The following SORCS2 variants were observed in gnomAD, a reference collection of about 807,000 sequenced individuals.
The protein encoded by SORCS2 is VPS10 domain-containing receptor SorCS2.
In SORCS2, 100 loss-of-function variants were observed where a neutral mutation model predicts 141.6. The ratio of observed to expected loss-of-function variants is 0.71; its 90% CI spans 0.60 to 0.83. The LOEUF is 0.83. Among genes scored for constraint, SORCS2 ranks in the 40% least tolerant of loss-of-function variants. The probability of loss-of-function intolerance (pLI) is 0.00; values close to 1 mark genes in which losing one functional copy is unlikely to be tolerated. For synonymous variants in SORCS2, 789 were observed against 676.9 expected (o/e 1.17, Z -2.57); for missense variants, 1,646 against 1,560.2 (o/e 1.05, Z -0.93).
At chr4:7,227,128 C>A (rs527959531) in intron 1 of SORCS2, among the ~76,000 whole-genome samples, 2 of 152,224 alleles carry the variant, frequency 1.3e-5, no homozygotes, top group East Asian at 3.9e-4. Context: ...CGTGCTCACA[C>A]ACATGCAGGA....
chr4:7,204,829 T>G (rs1181453405), intron 1 of SORCS2, among the ~76,000 whole-genome samples: 1 of 152,152 alleles, frequency 6.6e-6, no homozygotes, highest in Non-Finnish European at 1.5e-5. Flanking sequence ...AAGTCAGAAA[T>G]AGGCTGGTCT....
chr4:7,649,437 G>A (rs1721297441), intron 4 of SORCS2, among the ~76,000 whole-genome samples: 3 of 152,124 alleles, frequency 2.0e-5, no homozygotes, highest in Admixed American at 6.5e-5. Flanking sequence ...GAGAGTGGCA[G>A]GACCAGGTGT....
intron 3 of SORCS2, among the ~76,000 whole-genome samples, chr4:7,617,357 C>T (rs1577846338): frequency 6.6e-6 from 1 of 152,092 alleles, no homozygotes. Flanking sequence ...AATATATGCA[C>T]CTACCCATCC....
At chr4:7,542,817 A>C (rs1237405295) in intron 3 of SORCS2, among the ~76,000 whole-genome samples, 1 of 152,242 alleles carries the variant, frequency 6.6e-6, no homozygotes, top group South Asian at 2.1e-4. Flanking sequence ...TAATTTGCTC[A>C]GGGTGGGTGG....
chr4:7,348,898 G>A (rs995192755), intron 1 of SORCS2, among the ~76,000 whole-genome samples: 1 of 152,136 alleles, frequency 6.6e-6, no homozygotes, highest in Non-Finnish European at 1.5e-5. Context: ...TTTTGCTGTC[G>A]GAAAGCGACC....
chr4:7,543,699 TCCATCCATCCAC>T (rs1712929047), intron 3 of SORCS2, among the ~76,000 whole-genome samples: 2 of 40,398 alleles, frequency 5.0e-5, no homozygotes, highest in Admixed American at 3.1e-4. Flanking sequence ...CATCCACCCA[TCCATCCATCCAC>T]CCATCCACCC....
chr4:7,233,217 CA>C lies in SORCS2; in HGVS notation c.480+40092del, dbSNP rs1056626483. Among the ~76,000 whole-genome samples the C allele has an allele frequency of 2.0e-5, 3 of 152,158 alleles. No individual in the cohort carries two copies. Among genetic ancestry groups the C allele is most frequent in the African/African-American group, 4.8e-5 (2 of 41,428 alleles). On this transcript the variant is annotated intron_variant, in intron 1 of 26. Coordinates refer to ENST00000507866, the MANE Select transcript of SORCS2 (RefSeq NM_020777.3). This position sits in a 1 kb window ranked among gnomAD's most constrained non-coding sequence, Gnocchi z 4.5. ...GCACGGCAGAGGGAGCCTTCCAGAG[CA>C]GGGGGAGGCGTCGGCCAGCCCTGAG...
intron 3 of SORCS2, among the ~76,000 whole-genome samples, chr4:7,536,513 C>G (rs900945998): frequency 5.9e-5 from 9 of 152,154 alleles, no homozygotes; most frequent in Admixed American, 5.2e-4. Context: ...CAGGGCTGGT[C>G]TTCAGACACC....
chr4:7,524,578 G>C (rs1057370950), intron 2 of SORCS2, among the ~76,000 whole-genome samples: 1 of 151,720 alleles, frequency 6.6e-6, no homozygotes, highest in African/African-American at 2.4e-5. Context: ...AGGCTGCTGT[G>C]GGTTTTGTTT....
chr4:7,550,477 A>C (rs1713615022), intron 3 of SORCS2, among the ~76,000 whole-genome samples: 2 of 152,216 alleles, frequency 1.3e-5, no homozygotes, highest in Admixed American at 1.3e-4. Flanking sequence ...GGTGATCGGC[A>C]GACACCAACG....
intron 2 of SORCS2, among the ~76,000 whole-genome samples, chr4:7,420,513 T>C (rs1204831981): frequency 6.6e-6 from 1 of 152,154 alleles, no homozygotes; most frequent in Admixed American, 6.5e-5. Context: ...CTGGAGAGGT[T>C]CTGGCAGCTT....
chr4:7,497,765 C>T (rs1329731584), intron 2 of SORCS2, among the ~76,000 whole-genome samples: 1 of 152,218 alleles, frequency 6.6e-6, no homozygotes, highest in African/African-American at 2.4e-5. Flanking sequence ...AGTGAGTTGC[C>T]CAAGGTGACT....
intron 7 of SORCS2, among the ~76,000 whole-genome samples, chr4:7,666,154 C>T (rs993984083): frequency 2.6e-5 from 4 of 151,918 alleles, no homozygotes; most frequent in South Asian, 2.1e-4. Context: ...AGGCAGGAGC[C>T]GGGCAGTAAA....
intron 1 of SORCS2, among the ~76,000 whole-genome samples, chr4:7,202,296 AAGCTC>A (rs1196584370): frequency 1.3e-5 from 2 of 152,032 alleles, no homozygotes; most frequent in Non-Finnish European, 2.9e-5. Flanking sequence ...TATTCCAATT[AAGCTC>A]CATTTGTCAT....
chr4:7,417,513 T>A (rs6837406), intron 2 of SORCS2, among the ~76,000 whole-genome samples: 1 of 151,998 alleles, frequency 6.6e-6, no homozygotes, highest in Non-Finnish European at 1.5e-5. Context: ...TCTGGAAGTC[T>A]CAGCTCTGCC....
At position 7,723,846 on chromosome 4, in the gene SORCS2, A is replaced by G. The variant is rs2148875656; in HGVS notation, c.2574A>G (p.Ala858=). 1 of 1,611,950 alleles carries G rather than the reference A, an allele frequency of 6.2e-7. No individual in the cohort carries two copies. The highest frequency in any genetic ancestry group is 1.3e-5 in the African/African-American group (1 of 75,064). The change falls in exon 19 of 27, where the codon GCA becomes GCG. Residue 858 remains alanine, a synonymous_variant. Transcript: ENST00000507866. ...YRVSVRAENT[A]GHDEAVLFVQ... is the part of the protein sequence containing the mutation. ...TGTCCGTCAGGGCAGAGAACACGGC[A>G]GGCCACGATGAGGCGGTGCTCTTTG...
At chr4:7,495,599 G>C (rs763111658) in intron 2 of SORCS2, among the ~76,000 whole-genome samples, 1 of 152,204 alleles carries the variant, frequency 6.6e-6, no homozygotes, top group Non-Finnish European at 1.5e-5. Context: ...ATGGAAATGA[G>C]CAGTTGTCCT....
chr4:7,333,609 C>G (rs1455701342), intron 1 of SORCS2, among the ~76,000 whole-genome samples: 1 of 152,158 alleles, frequency 6.6e-6, no homozygotes, highest in African/African-American at 2.4e-5. Flanking sequence ...ACCTCCCTGC[C>G]TCACCTGGGG....
chr4:7,728,674 C>G (rs551766717), intron 22 of SORCS2, among the ~76,000 whole-genome samples: 2 of 152,336 alleles, frequency 1.3e-5, no homozygotes, highest in Middle Eastern at 6.8e-3. Flanking sequence ...AGCTGGAGCA[C>G]CACCTCACAG....
Sources: allele counts gnomAD v4.1 joint callset (sites outside exome capture counted in the v4.1 genomes callset), GRCh38; gene constraint gnomAD v4.1.1; non-coding constraint Gnocchi (gnomAD v3.1); transcripts MANE v1.5; gene names NCBI Gene and HGNC (gene_info 2026-07-23, HGNC 2026-07-21).